PARD3B: variants seen among roughly 807,000 people sequenced by gnomAD.
PARD3B encodes par-3 family cell polarity regulator beta.
In PARD3B, 103 loss-of-function variants were observed where a neutral mutation model predicts 130.2. The observed-to-expected ratio is 0.79, with a 90% CI of 0.67 to 0.93. The LOEUF is 0.93. Ranked by LOEUF, PARD3B falls within the 40% of genes least tolerant of loss-of-function variation. The pLI, the probability that PARD3B is intolerant of heterozygous loss-of-function variation, is 0.00. For missense variants in PARD3B, 1,609 were observed against 1,499.2 expected (o/e 1.07, Z -1.21); for synonymous variants, 583 against 553.2 (o/e 1.05, Z -0.76).
intron 1 of PARD3B, among the ~76,000 whole-genome samples, chr2:204,594,039 CTCGG>C (rs2033185178): frequency 6.6e-6 from 1 of 152,202 alleles, no homozygotes; most frequent in African/African-American, 2.4e-5. Context: ...TCCATCAACA[CTCGG>C]TCCCTGAAAC....
chr2:204,590,372 A>T (rs1234753386), intron 1 of PARD3B, among the ~76,000 whole-genome samples: 1 of 152,206 alleles, frequency 6.6e-6, no homozygotes, highest in Non-Finnish European at 1.5e-5. Flanking sequence ...GGAAACACAG[A>T]TGCGCAGTTT....
intron 2 of PARD3B, among the ~76,000 whole-genome samples, chr2:204,903,051 G>C (rs1436181568): frequency 1.3e-5 from 2 of 152,228 alleles, no homozygotes; most frequent in African/African-American, 4.8e-5. Context: ...AGGTAATTGA[G>C]TGAGAGGAAA....
chr2:204,966,450 A>AC (rs1457459316), intron 3 of PARD3B, among the ~76,000 whole-genome samples: 1 of 152,088 alleles, frequency 6.6e-6, no homozygotes, highest in African/African-American at 2.4e-5. Context: ...CAGCAACCTT[A>AC]CAGCCCCATC....
Position 205,287,747 on chromosome 2 carries a change from A to T in PARD3B, c.2186-12783A>T, listed in dbSNP as rs185491363. Among the ~76,000 whole-genome samples the T allele has an allele frequency of 1.6e-4, 24 of 152,264 alleles. No individual in the cohort carries two copies. Among genetic ancestry groups the T allele is most frequent in the African/African-American group, 5.8e-4 (24 of 41,542 alleles). On this transcript the variant is annotated intron_variant, in intron 16 of 22. Transcript: ENST00000406610. This position sits in a 1 kb window ranked among gnomAD's most constrained non-coding sequence, Gnocchi z 4.8. ...GAGAGACAGTTTAGGATAAGTGGAG[A>T]GTTGTGACACTCTTGCTGTTTCTCT...
At chr2:204,639,555 C>G (rs114020793) in intron 1 of PARD3B, among the ~76,000 whole-genome samples, 2,629 of 152,070 alleles carry the variant, frequency 0.017, 68 homozygotes, top group African/African-American at 0.06. Flanking sequence ...GTCATTATTC[C>G]CTAAGCAATA....
chr2:205,356,656 C>T (rs1419887029), intron 18 of PARD3B, among the ~76,000 whole-genome samples: 2 of 152,074 alleles, frequency 1.3e-5, no homozygotes, highest in Admixed American at 1.3e-4. Context: ...TTTGGGAGGC[C>T]GAGATGGGCA....
At chr2:204,750,215 T>C (rs2040405747) in intron 2 of PARD3B, among the ~76,000 whole-genome samples, 2 of 152,206 alleles carry the variant, frequency 1.3e-5, no homozygotes. Flanking sequence ...CACTATCACT[T>C]TAGAGCTTTG....
At chr2:204,555,464 A>G (rs1382346676) in intron 1 of PARD3B, among the ~76,000 whole-genome samples, 1 of 152,144 alleles carries the variant, frequency 6.6e-6, no homozygotes, top group African/African-American at 2.4e-5. Context: ...AGGCCGAGGC[A>G]GGAGAATTGC....
rs1487185398 is a variant in PARD3B at position 205,146,292 on chromosome 2, C to T, written c.1435-12430C>T. 1.3e-5 allele frequency among the ~76,000 whole-genome samples: 2 copies of T among 152,062 alleles called. No homozygotes were observed. The highest frequency in any genetic ancestry group is 4.8e-5 in the African/African-American group (2 of 41,394). On this transcript the variant is annotated intron_variant, in intron 10 of 22. Coordinates refer to ENST00000406610, the MANE Select transcript of PARD3B (RefSeq NM_001302769.2). The surrounding 1 kb of genome is among the most constrained non-coding windows in gnomAD (Gnocchi z 4.3). ...ATATTGGAAGTATCTTCCTAAGGGC[C>T]CAGCTTCCCAAATGGGCTACTTCTC...
chr2:205,147,186 G>A (rs1417202596), intron 10 of PARD3B, among the ~76,000 whole-genome samples: 1 of 152,068 alleles, frequency 6.6e-6, no homozygotes, highest in African/African-American at 2.4e-5. Context: ...ATTTCATATT[G>A]TCTGAATTAT....
chr2:205,585,555 G>A lies in PARD3B; in HGVS notation c.3261-29901G>A, dbSNP rs1038609303. Among the ~76,000 whole-genome samples the A allele has an allele frequency of 2.0e-5, 3 of 152,186 alleles. No homozygotes were observed. The highest frequency in any genetic ancestry group is 4.4e-5 in the Non-Finnish European group (3 of 68,034). ...GGGAGCAGGCCAGCTGTGTGGCAGG[G>A]ACTGTTGGTGCAGGTCACTTCTCCA... On this transcript the variant is annotated intron_variant, in intron 22 of 22. Coordinates refer to ENST00000406610, the MANE Select transcript of PARD3B (RefSeq NM_001302769.2). This position sits in a 1 kb window ranked among gnomAD's most constrained non-coding sequence, Gnocchi z 5.4.
At chr2:204,836,057 G>C (rs566030377) in intron 2 of PARD3B, among the ~76,000 whole-genome samples, 1 of 152,306 alleles carries the variant, frequency 6.6e-6, no homozygotes, top group South Asian at 2.1e-4. Context: ...TGCATGTTTC[G>C]ATGTAGTCTG....
chr2:204,788,668 C>G (rs566063235), intron 2 of PARD3B, among the ~76,000 whole-genome samples: 1 of 152,210 alleles, frequency 6.6e-6, no homozygotes, highest in South Asian at 2.1e-4. Flanking sequence ...ATTACATGGT[C>G]CAGCACAAAT....
chr2:205,480,230 T>C (rs1414513590), intron 20 of PARD3B, among the ~76,000 whole-genome samples: 3 of 152,160 alleles, frequency 2.0e-5, no homozygotes, highest in Non-Finnish European at 4.4e-5. Context: ...CCTGCATTAA[T>C]TGATTACACT....
chr2:204,626,201 G>A (rs1159813236), intron 1 of PARD3B, among the ~76,000 whole-genome samples: 4 of 152,070 alleles, frequency 2.6e-5, no homozygotes, highest in Non-Finnish European at 5.9e-5. Context: ...TTTTTGAAAT[G>A]CCCTAATAAA....
intron 11 of PARD3B, among the ~76,000 whole-genome samples, chr2:205,163,954 T>G (rs1351000868): frequency 6.6e-6 from 1 of 152,232 alleles, no homozygotes; most frequent in African/African-American, 2.4e-5. Flanking sequence ...AGCTGTTACC[T>G]CTGGCAAAAG....
intron 2 of PARD3B, among the ~76,000 whole-genome samples, chr2:204,772,310 G>C (rs1227035971): frequency 6.6e-6 from 1 of 152,008 alleles, no homozygotes; most frequent in Admixed American, 6.6e-5. Flanking sequence ...TTGTTCTGGA[G>C]ATCAAGCATT....
intron 20 of PARD3B, among the ~76,000 whole-genome samples, chr2:205,465,399 G>A (rs77259298): frequency 2.0e-5 from 3 of 152,134 alleles, no homozygotes; most frequent in South Asian, 2.1e-4. Context: ...GGATTTGTAC[G>A]CCTGAATAAA....
intron 2 of PARD3B, among the ~76,000 whole-genome samples, chr2:204,694,981 G>T (rs1361352633): frequency 6.6e-6 from 1 of 152,022 alleles, no homozygotes; most frequent in Admixed American, 6.6e-5. Flanking sequence ...TGAGTACAGT[G>T]AAGAGTAAAC....
Sources: gnomAD v4.1 joint callset for allele counts (sites outside exome capture counted in the v4.1 genomes callset) on GRCh38, gnomAD v4.1.1 for gene constraint, Gnocchi (gnomAD v3.1) non-coding constraint, MANE v1.5 for transcripts, NCBI Gene and HGNC (gene_info 2026-07-23, HGNC 2026-07-21) for gene names.